The following PCDHGB2 variants were observed in gnomAD, a reference collection of about 807,000 sequenced individuals.
PCDHGB2 encodes the protein protocadherin gamma-B2.
A neutral mutation model predicts 59.3 loss-of-function variants in PCDHGB2; 55 were observed. The ratio of observed to expected loss-of-function variants is 0.93; its 90% confidence interval spans 0.75 to 1.16. The LOEUF is 1.16. Among genes scored for constraint, PCDHGB2 ranks in the 50% most tolerant of loss-of-function variants. The pLI, the probability that PCDHGB2 is intolerant of heterozygous loss-of-function variation, is 0.00. For synonymous variants in PCDHGB2, 516 were observed against 512.0 expected (o/e 1.01, Z -0.11); for missense variants, 1,228 against 1,198.5 (o/e 1.02, Z -0.36).
At chr5:141,405,380 A>G in intron 1 of PCDHGB2, 1 of 1,602,960 alleles carries the variant, frequency 6.2e-7, no homozygotes, top group Non-Finnish European at 8.5e-7. Context: ...GGTTCCGGTG[A>G]GTTCATTTTT....
chr5:141,437,037 A>G (rs1410732155), intron 1 of PCDHGB2, among the ~76,000 whole-genome samples: 2 of 152,264 alleles, frequency 1.3e-5, no homozygotes, highest in Admixed American at 1.3e-4. Flanking sequence ...TGGATCACCG[A>G]AACCAGAAGG....
chr5:141,472,200 C>A (rs2099274166), intron 1 of PCDHGB2, among the ~76,000 whole-genome samples: 1 of 152,110 alleles, frequency 6.6e-6, no homozygotes, highest in Non-Finnish European at 1.5e-5. Flanking sequence ...ATCTTTTTGA[C>A]ACTAAGACCT....
At chr5:141,390,532 T>C (rs1413146925) in intron 1 of PCDHGB2, 1 of 531,632 alleles carries the variant, frequency 1.9e-6, no homozygotes, top group Admixed American at 3.5e-5. Context: ...GGTGTGGTTT[T>C]AACCACAAAG....
rs1762616469 is a variant in PCDHGB2 at position 141,362,659 on chromosome 5, C to T, written c.2421+103C>T. ...TCTTTGTCTGTGAGTTAGATTTGGC[C>T]AATGTTGTGCCTTAATTGTCTTAAT... On this transcript the variant is annotated intron_variant, in intron 1 of 3. Transcript: ENST00000522605. 3.0e-6 allele frequency: 4 copies of T among 1,352,230 alleles called. No individual in the cohort carries two copies. In the African/African-American group the frequency reaches 4.4e-5, roughly 15 times the overall value. The allele number at this position is 1,352,230 out of a possible 1,614,324, so 83.8% of individuals were successfully genotyped here. A position where few individuals can be genotyped will look rare whatever the true frequency, so the allele number is the denominator to read the frequency against.
intron 1 of PCDHGB2, among the ~76,000 whole-genome samples, chr5:141,462,839 T>C (rs1020663897): frequency 8.5e-5 from 13 of 152,228 alleles, no homozygotes; most frequent in Non-Finnish European, 1.5e-4. Context: ...GTAAATGTTA[T>C]ATTTTTGAGT....
Position 141,485,096 on chromosome 5 carries a change from C to T in PCDHGB2, c.2422-9711C>T, listed in dbSNP as rs1166994104. On this transcript the variant is annotated intron_variant, in intron 1 of 3. Coordinates refer to ENST00000522605, the MANE Select transcript of PCDHGB2 (RefSeq NM_018923.3). This position sits in a 1 kb window ranked among gnomAD's most constrained non-coding sequence, Gnocchi z 5.7. The stretch of plus-strand genomic sequence containing the variant: ...CGCGGGGAAAGGGAGATAGGTGTCT[C>T]CAGCTGCTGTGGCTGTTTGGGGCGG... The T allele has an allele frequency of 1.8e-6, 2 of 1,125,566 alleles. No homozygotes were observed. The highest frequency in any genetic ancestry group is 3.1e-5 in the African/African-American group (2 of 64,908). 69.7% of individuals were successfully genotyped at this position (1,125,566 alleles called of 1,614,324 possible).
chr5:141,471,058 T>C (rs991869999), intron 1 of PCDHGB2, among the ~76,000 whole-genome samples: 2 of 149,826 alleles, frequency 1.3e-5, no homozygotes, highest in Non-Finnish European at 3.0e-5. Context: ...TTTTTTTTTT[T>C]TTTTTTTTGA....
At position 141,432,476 on chromosome 5, in the gene PCDHGB2, A is replaced by T. The variant is rs778378071; in HGVS notation, c.2422-62331A>T. On this transcript the variant is annotated intron_variant, in intron 1 of 3. Transcript: ENST00000522605. This position sits in a 1 kb window ranked among gnomAD's most constrained non-coding sequence, Gnocchi z 6.0. ...CCCCGCCCTCCCCACGGACGGTTCC[A>T]CTGGCGTGGAGCTGGCTCCCCGCTC... 4.6e-5 allele frequency: 75 copies of T among 1,613,962 alleles called. No homozygotes were observed. In the South Asian group the frequency reaches 7.9e-4, roughly 17 times the overall value.
intron 1 of PCDHGB2, among the ~76,000 whole-genome samples, chr5:141,364,001 T>G (rs1014120803): frequency 1.3e-5 from 2 of 152,232 alleles, no homozygotes; most frequent in African/African-American, 4.8e-5. Flanking sequence ...TTAACGGTCA[T>G]AAACAACGCT....
At chr5:141,389,743 G>T in intron 1 of PCDHGB2, 8 of 1,612,624 alleles carry the variant, frequency 5.0e-6, no homozygotes, top group Non-Finnish European at 6.8e-6. Flanking sequence ...CTGGGGCTGC[G>T]CACGGGCGAA....
chr5:141,390,164 G>A (rs370376667), intron 1 of PCDHGB2: 200 of 1,613,888 alleles, frequency 1.2e-4, no homozygotes, highest in Non-Finnish European at 1.6e-4. Context: ...CAGGAAAGAC[G>A]GAGTTTAATT....
At chr5:141,502,547 C>G (rs1340258642) in intron 2 of PCDHGB2, among the ~76,000 whole-genome samples, 2 of 152,156 alleles carry the variant, frequency 1.3e-5, no homozygotes, top group East Asian at 3.8e-4. Context: ...GTGGTAAAAA[C>G]AGTGTCCCAG....
chr5:141,497,111 G>A (rs899232924), intron 2 of PCDHGB2, among the ~76,000 whole-genome samples: 16 of 152,010 alleles, frequency 1.1e-4, no homozygotes, highest in Non-Finnish European at 1.2e-4. Context: ...GCTTGAACCC[G>A]GAAGGCAGAG....
chr5:141,432,070 T>C lies in PCDHGB2; in HGVS notation c.2422-62737T>C. 6.2e-7 allele frequency: 1 copy of C among 1,614,136 alleles called. No homozygotes were observed. The highest frequency in any genetic ancestry group is 2.2e-5 in the East Asian group (1 of 44,860). ...CCCCGCCCCTATCCACGGAAACTCATATCTCGCTGAACGTGGCAGACACCA... is the reference window on the plus strand; with the variant it reads ...CCCCGCCCCTATCCACGGAAACTCACATCTCGCTGAACGTGGCAGACACCA... On this transcript the variant is annotated intron_variant, in intron 1 of 3. Transcript: ENST00000522605. The surrounding 1 kb of genome is among the most constrained non-coding windows in gnomAD (Gnocchi z 6.0).
chr5:141,478,624 T>C (rs1300260980), intron 1 of PCDHGB2: 3 of 1,554,196 alleles, frequency 1.9e-6, no homozygotes, highest in Non-Finnish European at 2.6e-6. Context: ...AATGGAGCTG[T>C]TTTTTTAGTG....
chr5:141,373,545 G>A (rs1396644712), intron 1 of PCDHGB2, among the ~76,000 whole-genome samples: 1 of 152,122 alleles, frequency 6.6e-6, no homozygotes, highest in African/African-American at 2.4e-5. Context: ...TGTGGTTGTT[G>A]GTACCCTTAC....
chr5:141,489,692 G>C lies in PCDHGB2; in HGVS notation c.2422-5115G>C, dbSNP rs768806028. The stretch of plus-strand genomic sequence containing the variant: ...TCAGAATCAGCAGCATCTGGGGCAC[G>C]ATTCCCACTGGACAGTGCCCAGGAT... On this transcript the variant is annotated intron_variant, in intron 1 of 3. Transcript: ENST00000522605. This position sits in a 1 kb window ranked among gnomAD's most constrained non-coding sequence, Gnocchi z 4.5. 6.2e-7 allele frequency: 1 copy of C among 1,614,128 alleles called. No individual in the cohort carries two copies. Among genetic ancestry groups the C allele is most frequent in the South Asian group, 1.1e-5 (1 of 91,080 alleles).
At chr5:141,417,949 TGA>T (rs2096196504) in intron 1 of PCDHGB2, 1 of 1,613,400 alleles carries the variant, frequency 6.2e-7, no homozygotes, top group Non-Finnish European at 8.5e-7. Context: ...CCACGCTGTG[TGA>T]GCCGATCCGC....
At position 141,494,781 on chromosome 5, in the gene PCDHGB2, C is replaced by A. The variant is rs145360252; in HGVS notation, c.2422-26C>A. On this transcript the variant is annotated intron_variant, in intron 1 of 3. Coordinates refer to ENST00000522605, the MANE Select transcript of PCDHGB2 (RefSeq NM_018923.3). ...ATTCTAACTTCTCACGGGTACTCAG[C>A]CCCTTTCCCTCTGTTTTCTCCACAG... 6,156 of 1,614,074 alleles carry A rather than the reference C, an allele frequency of 3.8e-3. 13 individuals are homozygous for A. Among genetic ancestry groups the A allele is most frequent in the Middle Eastern group, 8.1e-3 (49 of 6,062 alleles).
Sources: gnomAD v4.1 joint callset for allele counts (sites outside exome capture counted in the v4.1 genomes callset) on GRCh38, gnomAD v4.1.1 for gene constraint, Gnocchi (gnomAD v3.1) non-coding constraint, MANE v1.5 for transcripts, NCBI Gene and HGNC (gene_info 2026-07-23, HGNC 2026-07-21) for gene names.